Variants in EHBP1 observed in about 807,000 individuals in gnomAD.
EHBP1 encodes the protein EH domain-binding protein 1.
A neutral mutation model predicts 144.0 loss-of-function variants in EHBP1; 55 were observed. That is an observed-to-expected ratio of 0.38 (90% CI 0.31 to 0.48). EHBP1 has a LOEUF of 0.48. Among genes scored for constraint, EHBP1 ranks in the 20% least tolerant of loss-of-function variants. The pLI is 0.98. For synonymous variants in EHBP1, 469 were observed against 472.7 expected (o/e 0.99, Z 0.10); for missense variants, 1,200 against 1,364.2 (o/e 0.88, Z 1.90).
intron 2 of EHBP1, among the ~76,000 whole-genome samples, chr2:62,729,478 TATATATAA>T (rs1036724012): frequency 1.9e-4 from 20 of 106,114 alleles, no homozygotes; most frequent in Admixed American, 3.8e-4. Context: ...TATATAAAAA[TATATATAA>T]ATATATAAAT....
intron 2 of EHBP1, among the ~76,000 whole-genome samples, chr2:62,710,567 CA>C (rs2035054007): frequency 6.6e-6 from 1 of 151,542 alleles, no homozygotes; most frequent in African/African-American, 2.4e-5. Flanking sequence ...TCACATGGTT[CA>C]AAACTCTAGA....
At chr2:62,877,603 C>G (rs1011109120) in intron 10 of EHBP1, among the ~76,000 whole-genome samples, 1 of 152,200 alleles carries the variant, frequency 6.6e-6, no homozygotes, top group South Asian at 2.1e-4. Flanking sequence ...AGTCATAACA[C>G]AATTCTCAAA....
intron 10 of EHBP1, among the ~76,000 whole-genome samples, chr2:62,874,797 T>C (rs985178044): frequency 9.2e-5 from 14 of 152,154 alleles, no homozygotes; most frequent in African/African-American, 3.4e-4. Flanking sequence ...ATTGTAAGAT[T>C]GGTGCTTTAA....
At chr2:62,722,384 A>T (rs1042316210) in intron 2 of EHBP1, among the ~76,000 whole-genome samples, 1 of 152,006 alleles carries the variant, frequency 6.6e-6, no homozygotes, top group Non-Finnish European at 1.5e-5. Flanking sequence ...TGGCCTCCCA[A>T]AATGGTGGGA....
At chr2:62,800,608 T>G (rs1465057148) in intron 5 of EHBP1, among the ~76,000 whole-genome samples, 1 of 152,190 alleles carries the variant, frequency 6.6e-6, no homozygotes, top group African/African-American at 2.4e-5. Context: ...AGCTAGTGAT[T>G]TATAAATCTT....
intron 5 of EHBP1, among the ~76,000 whole-genome samples, chr2:62,787,065 G>A (rs1346025774): frequency 6.6e-6 from 1 of 152,116 alleles, no homozygotes; most frequent in South Asian, 2.1e-4. Context: ...GTTTTCATTA[G>A]CAATAGGAAA....
chr2:62,985,199 C>T (rs1217622158), intron 15 of EHBP1, among the ~76,000 whole-genome samples: 1 of 152,132 alleles, frequency 6.6e-6, no homozygotes, highest in Non-Finnish European at 1.5e-5. Context: ...TTGTGTTCTC[C>T]AGTCCAACAT....
At chr2:62,930,769 A>G (rs879773807) in intron 10 of EHBP1, among the ~76,000 whole-genome samples, 3 of 152,222 alleles carry the variant, frequency 2.0e-5, no homozygotes, top group Non-Finnish European at 4.4e-5. Context: ...CTATGGAGAA[A>G]AATGGAGAAA....
At chr2:62,767,985 C>T (rs765345595) in intron 4 of EHBP1, among the ~76,000 whole-genome samples, 9 of 152,026 alleles carry the variant, frequency 5.9e-5, no homozygotes, top group South Asian at 4.2e-4. Flanking sequence ...ATGAGAACAA[C>T]GATGCAACAG....
chr2:62,812,878 G>A (rs190586119), intron 5 of EHBP1, among the ~76,000 whole-genome samples: 16 of 152,272 alleles, frequency 1.1e-4, no homozygotes, highest in Admixed American at 1.0e-3. Context: ...TTCATAGCCT[G>A]GCCATTTGAA....
intron 19 of EHBP1, among the ~76,000 whole-genome samples, chr2:63,027,335 C>G (rs188638676): frequency 6.6e-6 from 1 of 152,054 alleles, no homozygotes; most frequent in East Asian, 1.9e-4. Context: ...CAATACAGAC[C>G]CAAGTTCGTC....
Position 62,877,072 on chromosome 2 carries a change from G to A in EHBP1, c.1185+2540G>A, listed in dbSNP as rs369174417. 4.6e-5 allele frequency among the ~76,000 whole-genome samples: 7 copies of A among 152,274 alleles called. No homozygotes were observed. In the South Asian group the frequency reaches 1.2e-3, roughly 27 times the overall value. On this transcript the variant is annotated intron_variant, in intron 10 of 22. Coordinates refer to ENST00000431489, the MANE Select transcript of EHBP1 (RefSeq NM_001142616.3). ...TTAAAAGGCACAGAAGAGCAGGTTGGATAAAGAAGTCCCAACTGTATGCTG... is the reference window on the plus strand; with the variant it reads ...TTAAAAGGCACAGAAGAGCAGGTTGAATAAAGAAGTCCCAACTGTATGCTG...
chr2:63,006,703 C>A (rs971449588), intron 19 of EHBP1, among the ~76,000 whole-genome samples: 1 of 148,232 alleles, frequency 6.7e-6, no homozygotes, highest in Non-Finnish European at 1.5e-5. Context: ...AAAGATGACT[C>A]TGTAAAAATG....
At chr2:62,777,615 TATAAA>T (rs2042136858) in intron 5 of EHBP1, among the ~76,000 whole-genome samples, 2 of 152,150 alleles carry the variant, frequency 1.3e-5, no homozygotes, top group Non-Finnish European at 2.9e-5. Flanking sequence ...CTTACTGCTA[TATAAA>T]ATAATGACTG....
intron 12 of EHBP1, among the ~76,000 whole-genome samples, chr2:62,947,431 A>G (rs1574187247): frequency 6.6e-6 from 1 of 152,196 alleles, no homozygotes; most frequent in East Asian, 1.9e-4. Flanking sequence ...GGTTGCTAAA[A>G]AGAGTAAACA....
intron 7 of EHBP1, among the ~76,000 whole-genome samples, chr2:62,847,001 G>T (rs1285509248): frequency 1.3e-5 from 2 of 152,070 alleles, no homozygotes; most frequent in Admixed American, 6.6e-5. Context: ...AAGTATATTT[G>T]GGGATGCAAA....
chr2:62,792,178 A>G (rs2043205461), intron 5 of EHBP1, among the ~76,000 whole-genome samples: 1 of 152,074 alleles, frequency 6.6e-6, no homozygotes, highest in African/African-American at 2.4e-5. Context: ...ACAGTTAATT[A>G]AAGTACTACA....
At chr2:62,934,269 G>A (rs772996733) in intron 10 of EHBP1, among the ~76,000 whole-genome samples, 6 of 151,920 alleles carry the variant, frequency 3.9e-5, no homozygotes, top group Non-Finnish European at 5.9e-5. Flanking sequence ...TTAAAATTTC[G>A]GCCTTTCTGG....
At chr2:62,850,025 G>A (rs2048567440) in intron 7 of EHBP1, among the ~76,000 whole-genome samples, 1 of 152,124 alleles carries the variant, frequency 6.6e-6, no homozygotes, top group African/African-American at 2.4e-5. Context: ...CCTAGGCAGA[G>A]GGAAGAGTAA....
Sources: gnomAD v4.1 joint callset for allele counts (sites outside exome capture counted in the v4.1 genomes callset) on GRCh38, gnomAD v4.1.1 for gene constraint, MANE v1.5 for transcripts, NCBI Gene and HGNC (gene_info 2026-07-23, HGNC 2026-07-21) for gene names.